Variants in RASA4B observed in about 807,000 individuals in gnomAD.
RASA4B encodes RAS p21 protein activator 4B, also known as ras GTPase-activating protein 4B.
A neutral mutation model predicts 24.2 loss-of-function variants in RASA4B; 2 were observed. The ratio of observed to expected loss-of-function variants is 0.08; its 90% CI spans 0.03 to 0.26. The LOEUF is 0.26. Among genes scored for constraint, RASA4B ranks in the 10% least tolerant of loss-of-function variants. The pLI, the probability that RASA4B is intolerant of heterozygous loss-of-function variation, is 1.00. For synonymous variants in RASA4B, 2 were observed against 125.6 expected, an observed-to-expected ratio of 0.02 and a Z score of 6.58; for missense variants, 8 against 277.2, an observed-to-expected ratio of 0.03 and a Z score of 6.90.
At chr7:102,513,082 G>A (rs1421019918) in intron 1 of RASA4B, among the ~76,000 whole-genome samples, 2 of 152,134 alleles carry the variant, frequency 1.3e-5, no homozygotes, top group Admixed American at 6.5e-5. Context: ...CACCAAAGTC[G>A]AGCCCCTTAC....
At chr7:102,498,506 C>T (rs1174260827) in intron 8 of RASA4B, among the ~76,000 whole-genome samples, 2 of 145,042 alleles carry the variant, frequency 1.4e-5, no homozygotes, top group African/African-American at 5.0e-5. Context: ...ATGATCCACC[C>T]GCCTCGGCCA....
intron 17 of RASA4B, among the ~76,000 whole-genome samples, 176 bp downstream of exon 17, chr7:102,490,810 A>T (rs1798910764): frequency 7.3e-6 from 1 of 136,244 alleles, no homozygotes; most frequent in Non-Finnish European, 1.7e-5. Flanking sequence ...CATAGCATCC[A>T]GGGCACTCCC....
chr7:102,499,209 TA>T (rs1799291073), intron 8 of RASA4B, among the ~76,000 whole-genome samples: 1 of 97,846 alleles, frequency 1.0e-5, no homozygotes, highest in Admixed American at 1.1e-4. Flanking sequence ...TATATATATA[TA>T]TTCACTTTTA....
intron 16 of RASA4B, among the ~76,000 whole-genome samples, chr7:102,491,691 C>T (rs1203270117): frequency 1.3e-5 from 1 of 76,186 alleles, no homozygotes; most frequent in African/African-American, 2.9e-5. Context: ...CGCTTGAACC[C>T]GGGAGGCGGA....
chr7:102,481,247 T>C lies in RASA4B; in HGVS notation c.*2345A>G, dbSNP rs1208865814. On this transcript the variant is annotated 3_prime_UTR_variant, in exon 21 of 21. Coordinates refer to ENST00000465829, the MANE Select transcript of RASA4B (RefSeq NM_001367767.2). ...TTTTTTTTTTTTTAATTTTAGGGAC[T>C]AGGTTTTGCTATGTTGCCCAGGCTG... Among the ~76,000 whole-genome samples the C allele has an allele frequency of 1.1e-4, 6 of 54,730 alleles. 1 individual carries two copies. Among genetic ancestry groups the C allele is most frequent in the Admixed American group, 8.3e-4 (4 of 4,806 alleles). 35.9% of individuals were successfully genotyped at this position (54,730 alleles called of 152,430 possible). A position where few individuals can be genotyped will look rare whatever the true frequency, so the allele number is the denominator to read the frequency against.
At chr7:102,497,401 C>A (rs1465225039) in intron 8 of RASA4B, among the ~76,000 whole-genome samples, 1 of 151,598 alleles carries the variant, frequency 6.6e-6, no homozygotes, top group Non-Finnish European at 1.5e-5. Flanking sequence ...CTTCCCTGTT[C>A]TGATAGGGAA....
chr7:102,497,127 G>A (rs1216840182), intron 8 of RASA4B, among the ~76,000 whole-genome samples, 163 bp from the exon 9 acceptor site: 1 of 146,748 alleles, frequency 6.8e-6, no homozygotes, highest in East Asian at 2.1e-4. Flanking sequence ...GGCTCTGCCC[G>A]GGCTATTTAT....
chr7:102,492,640 A>G (rs1357774802), intron 16 of RASA4B, among the ~76,000 whole-genome samples: 1 of 143,932 alleles, frequency 6.9e-6, no homozygotes, highest in Non-Finnish European at 1.6e-5. Flanking sequence ...ACAACCTGGT[A>G]AGGTCGGATC....
chr7:102,498,307 G>C (rs1799237297), intron 8 of RASA4B, among the ~76,000 whole-genome samples: 1 of 150,346 alleles, frequency 6.7e-6, no homozygotes, highest in Non-Finnish European at 1.5e-5. Flanking sequence ...TGTCACCCAG[G>C]CTGGAGTGCA....
intron 17 of RASA4B, among the ~76,000 whole-genome samples, chr7:102,489,439 C>T (rs1174298241): frequency 2.3e-5 from 3 of 131,590 alleles, no homozygotes; most frequent in South Asian, 2.8e-4. Flanking sequence ...GGTCCCTGCT[C>T]GAATGCCACC....
Position 102,499,191 on chromosome 7 carries a change from A to AT in RASA4B, c.737+1507_737+1508insA, listed in dbSNP as rs1554583910. On this transcript the variant is annotated intron_variant, in intron 8 of 20. Transcript: ENST00000465829. ...ACAGAGTGAGATTCTGCTCAAAAAAAAAATATATATATATATATATTCACT... is the reference window on the plus strand; with the variant it reads ...ACAGAGTGAGATTCTGCTCAAAAAAATAAATATATATATATATATATTCACT... 5.9e-4 allele frequency among the ~76,000 whole-genome samples: 51 copies of AT among 86,354 alleles called. 3 individuals are homozygous for AT. Among genetic ancestry groups the AT allele is most frequent in the Admixed American group, 4.1e-3 (28 of 6,772 alleles). The allele number at this position is 86,354 out of a possible 152,430, so 56.7% of individuals were successfully genotyped here.
At position 102,497,941 on chromosome 7, in the gene RASA4B, A is replaced by T. The variant is rs1489978351; in HGVS notation, c.738-977T>A. Among the ~76,000 whole-genome samples the T allele has an allele frequency of 6.9e-4, 49 of 71,086 alleles. No homozygotes were observed. The East Asian group carries it at 0.017, about 25-fold the overall frequency. The allele number at this position is 71,086 out of a possible 152,430, so 46.6% of individuals were successfully genotyped here. The stretch of plus-strand genomic sequence containing the variant: ...TGGGGGTCTGGGGCCTTCCACAGAG[A>T]CACAAAGCTGAACCACTGAGGGCTG... On this transcript the variant is annotated intron_variant, in intron 8 of 20. Coordinates refer to ENST00000465829, the MANE Select transcript of RASA4B (RefSeq NM_001367767.2).
At position 102,480,071 on chromosome 7, in the gene RASA4B, G is replaced by A. The variant is rs1308174233; in HGVS notation, c.*3521C>T. ...AGGCCATACAGAGATAGGAGCTGAG[G>A]GGACAATGAGGAGTGACCAGAAGAC... On this transcript the variant is annotated 3_prime_UTR_variant, in exon 21 of 21. Transcript: ENST00000465829. Among the ~76,000 whole-genome samples the A allele has an allele frequency of 6.6e-6, 1 of 152,052 alleles. No individual in the cohort carries two copies. Among genetic ancestry groups the A allele is most frequent in the East Asian group, 1.9e-4 (1 of 5,200 alleles).
At chr7:102,499,191 A>ATATATAT (rs1554583910) in intron 8 of RASA4B, among the ~76,000 whole-genome samples, 5 of 86,372 alleles carry the variant, frequency 5.8e-5, no homozygotes, top group African/African-American at 1.5e-4. Flanking sequence ...GCTCAAAAAA[A>ATATATAT]AAATATATAT....
intron 1 of RASA4B, among the ~76,000 whole-genome samples, chr7:102,513,057 G>A (rs1395064803): frequency 6.6e-6 from 1 of 152,150 alleles, no homozygotes; most frequent in African/African-American, 2.4e-5. Context: ...AAGCTCCTGG[G>A]ACCCCTACCC....
Position 102,480,482 on chromosome 7 carries a change from G to T in RASA4B, c.*3110C>A, listed in dbSNP as rs1410140332. ...TGAGTCTCTGGTAGGACCAGGCCAT[G>T]TATACTTTTTAAGCTTTTTTATTCT... On this transcript the variant is annotated 3_prime_UTR_variant, in exon 21 of 21. Transcript: ENST00000465829. Among the ~76,000 whole-genome samples, 2 of 139,762 alleles carry T rather than the reference G, an allele frequency of 1.4e-5. No individual in the cohort carries two copies. Among genetic ancestry groups the T allele is most frequent in the Non-Finnish European group, 1.6e-5 (1 of 64,028 alleles). The allele number at this position is 139,762 out of a possible 152,430, so 91.7% of individuals were successfully genotyped here.
At position 102,497,940 on chromosome 7, in the gene RASA4B, G is replaced by A. The variant is rs1269903554; in HGVS notation, c.738-976C>T. Among the ~76,000 whole-genome samples, 6 of 71,480 alleles carry A rather than the reference G, an allele frequency of 8.4e-5. No homozygotes were observed. In the East Asian group the frequency reaches 2.0e-3, roughly 24 times the overall value. The allele number at this position is 71,480 out of a possible 152,430, so 46.9% of individuals were successfully genotyped here. ...ATGGGGGTCTGGGGCCTTCCACAGA[G>A]ACACAAAGCTGAACCACTGAGGGCT... On this transcript the variant is annotated intron_variant, in intron 8 of 20. Transcript: ENST00000465829.
intron 17 of RASA4B, among the ~76,000 whole-genome samples, chr7:102,490,753 C>T (rs1798903812): frequency 6.6e-6 from 1 of 151,562 alleles, no homozygotes; most frequent in Admixed American, 6.6e-5. Context: ...AGAGCTCAGG[C>T]CACTCCCATA....
chr7:102,482,216 G>C lies in RASA4B; in HGVS notation c.*1376C>G, dbSNP rs1240847986. Among the ~76,000 whole-genome samples, 4 of 149,976 alleles carry C rather than the reference G, an allele frequency of 2.7e-5. No individual in the cohort carries two copies. The highest frequency in any genetic ancestry group is 9.7e-5 in the African/African-American group (4 of 41,086). On this transcript the variant is annotated 3_prime_UTR_variant, in exon 21 of 21. Coordinates refer to ENST00000465829, the MANE Select transcript of RASA4B (RefSeq NM_001367767.2). ...CACAACGTGTGGCCTGGGTACCACA[G>C]GGCCAGAAGAGAGGGACAGGGGCCC...
Sources: allele counts gnomAD v4.1 joint callset (sites outside exome capture counted in the v4.1 genomes callset), GRCh38; gene constraint gnomAD v4.1.1; transcripts MANE v1.5; gene names NCBI Gene and HGNC (gene_info 2026-07-23, HGNC 2026-07-21).